KCNQ1: variants seen among roughly 807,000 people sequenced by gnomAD.
KCNQ1 encodes potassium voltage-gated channel subfamily Q member 1, also known as potassium voltage-gated channel subfamily KQT member 1.
A neutral mutation model predicts 72.4 loss-of-function variants in KCNQ1; 49 were observed. The ratio of observed to expected loss-of-function variants is 0.68; its 90% CI spans 0.54 to 0.86. KCNQ1 has a LOEUF of 0.86. KCNQ1 is among the 40% of genes least tolerant of loss of function. The pLI, the probability that KCNQ1 is intolerant of heterozygous loss-of-function variation, is 0.00. For synonymous variants in KCNQ1, 450 were observed against 412.6 expected (o/e 1.09, Z -1.10); for missense variants, 790 against 945.1 (o/e 0.84, Z 2.15).
chr11:2,468,681 C>A lies in KCNQ1; in HGVS notation c.386+23197C>A, dbSNP rs74771060. 6.6e-6 allele frequency among the ~76,000 whole-genome samples: 1 copy of A among 152,164 alleles called. No individual in the cohort carries two copies. The highest frequency in any genetic ancestry group is 1.5e-5 in the Non-Finnish European group (1 of 68,022). On this transcript the variant is annotated intron_variant, in intron 1 of 15. Transcript: ENST00000155840. The surrounding 1 kb of genome is among the most constrained non-coding windows in gnomAD (Gnocchi z 5.7). ...TATTTGGATGGACTCTGGCAGCCAA[C>A]GCTGGTTTCGTCTGGCTTCTTTTAT...
rs1386176483 is a variant in KCNQ1 at position 2,471,960 on chromosome 11, A to G, written c.386+26476A>G. Among the ~76,000 whole-genome samples the G allele has an allele frequency of 1.4e-5, 2 of 143,372 alleles. No individual in the cohort carries two copies. Among genetic ancestry groups the G allele is most frequent in the East Asian group, 2.1e-4 (1 of 4,846 alleles). The allele number at this position is 143,372 out of a possible 152,430, so 94.1% of individuals were successfully genotyped here. A position where few individuals can be genotyped will look rare whatever the true frequency, so the allele number is the denominator to read the frequency against. On this transcript the variant is annotated intron_variant, in intron 1 of 15. Coordinates refer to ENST00000155840, the MANE Select transcript of KCNQ1 (RefSeq NM_000218.3). This position sits in a 1 kb window ranked among gnomAD's most constrained non-coding sequence, Gnocchi z 4.8. ...TGTGCGCGTGTGTAGGTGTGTGTTC[A>G]TATATATGGGTGTGTGTGCACCTAT...
chr11:2,473,679 C>T lies in KCNQ1; in HGVS notation c.386+28195C>T, dbSNP rs1310654794. Among the ~76,000 whole-genome samples the T allele has an allele frequency of 3.3e-5, 5 of 152,232 alleles. No individual in the cohort carries two copies. The highest frequency in any genetic ancestry group is 7.3e-5 in the Non-Finnish European group (5 of 68,028). On this transcript the variant is annotated intron_variant, in intron 1 of 15. Coordinates refer to ENST00000155840, the MANE Select transcript of KCNQ1 (RefSeq NM_000218.3). The surrounding 1 kb of genome is among the most constrained non-coding windows in gnomAD (Gnocchi z 6.0). ...TTGGCCTGGCCTGGCGCGGGGCTGC[C>T]AGCCAAGAGCCTTCCTCCATCCCAT...
At chr11:2,546,126 G>T (rs551419916) in intron 2 of KCNQ1, among the ~76,000 whole-genome samples, 2 of 151,952 alleles carry the variant, frequency 1.3e-5, no homozygotes, top group East Asian at 3.9e-4. Flanking sequence ...CAGGCACTTG[G>T]TGGTATAAAC....
intron 11 of KCNQ1, among the ~76,000 whole-genome samples, chr11:2,749,996 C>T (rs547429562): frequency 7.9e-5 from 12 of 151,058 alleles, no homozygotes; most frequent in African/African-American, 2.4e-4. Flanking sequence ...GGGCTCTACA[C>T]GGCGCCCTGA....
At chr11:2,580,715 AACCCTGCTTCTCAT>A (rs1475850226) in intron 6 of KCNQ1, among the ~76,000 whole-genome samples, 1 of 152,140 alleles carries the variant, frequency 6.6e-6, no homozygotes, top group East Asian at 1.9e-4. Flanking sequence ...GCAGCCCTTC[AACCCTGCTTCTCAT>A]ACCTGACCCC....
rs1236971335 is a variant in KCNQ1 at position 2,679,612 on chromosome 11, T to C, written c.1514+17531T>C. 1 of 398,492 alleles carries C rather than the reference T, an allele frequency of 2.5e-6. No individual in the cohort carries two copies. Among genetic ancestry groups the C allele is most frequent in the East Asian group, 3.6e-5 (1 of 28,096 alleles). 24.7% of individuals were successfully genotyped at this position (398,492 alleles called of 1,614,324 possible). On this transcript the variant is annotated intron_variant, in intron 11 of 15. Coordinates refer to ENST00000155840, the MANE Select transcript of KCNQ1 (RefSeq NM_000218.3). This position sits in a 1 kb window ranked among gnomAD's most constrained non-coding sequence, Gnocchi z 4.8. Reference sequence around the variant, plus strand: ...AAGCTGATGGGGAGGCGAGTTGGAATGAATAGTATCAGCATCAGAAAAAAT... The same window carrying C: ...AAGCTGATGGGGAGGCGAGTTGGAACGAATAGTATCAGCATCAGAAAAAAT...
At position 2,450,840 on chromosome 11, in the gene KCNQ1, T is replaced by C. The variant is rs555580964; in HGVS notation, c.386+5356T>C. Among the ~76,000 whole-genome samples, 133 of 152,220 alleles carry C rather than the reference T, an allele frequency of 8.7e-4. 1 individual carries two copies. Among genetic ancestry groups the C allele is most frequent in the African/African-American group, 3.2e-3 (131 of 41,538 alleles). On this transcript the variant is annotated intron_variant, in intron 1 of 15. Coordinates refer to ENST00000155840, the MANE Select transcript of KCNQ1 (RefSeq NM_000218.3). The surrounding 1 kb of genome is among the most constrained non-coding windows in gnomAD (Gnocchi z 7.9). Reference sequence around the variant, plus strand: ...CGCTTTTACACGAGGCATCTGACCATGTGATAGGGTGTGGCTTCTGCTGCC... The same window carrying C: ...CGCTTTTACACGAGGCATCTGACCACGTGATAGGGTGTGGCTTCTGCTGCC...
chr11:2,791,004 T>C (rs1436055285), intron 15 of KCNQ1, among the ~76,000 whole-genome samples: 1 of 152,242 alleles, frequency 6.6e-6, no homozygotes, highest in Non-Finnish European at 1.5e-5. Context: ...TTGGGGTGTT[T>C]CTCTCTTAGC....
intron 10 of KCNQ1, among the ~76,000 whole-genome samples, chr11:2,606,045 A>C (rs1023159859): frequency 2.0e-5 from 3 of 152,252 alleles, no homozygotes; most frequent in African/African-American, 7.2e-5. Context: ...GTAAAAATAT[A>C]CATAAAATCT....
At chr11:2,542,227 A>G (rs928051998) in intron 2 of KCNQ1, among the ~76,000 whole-genome samples, 1 of 152,236 alleles carries the variant, frequency 6.6e-6, no homozygotes, top group African/African-American at 2.4e-5. Context: ...GTGTGGGGAC[A>G]TTGGGCATGA....
chr11:2,758,792 C>A (rs931954576), intron 11 of KCNQ1, among the ~76,000 whole-genome samples: 1 of 152,150 alleles, frequency 6.6e-6, no homozygotes, highest in South Asian at 2.1e-4. Flanking sequence ...AAAAAGCCTC[C>A]CCCGAAAGGT....
intron 15 of KCNQ1, among the ~76,000 whole-genome samples, chr11:2,788,190 C>G (rs1004947590): frequency 3.3e-5 from 5 of 151,968 alleles, no homozygotes; most frequent in African/African-American, 1.2e-4. Flanking sequence ...TCCCTGCAGA[C>G]CCCTCCTGGG....
chr11:2,571,368 C>A lies in KCNQ1; in HGVS notation c.648C>A (p.Gly216=), dbSNP rs146350010. The A allele has an allele frequency of 4.0e-5, 64 of 1,612,896 alleles. No homozygotes were observed. The highest frequency in any genetic ancestry group is 4.7e-5 in the Non-Finnish European group (56 of 1,179,964). Reference sequence around the variant, plus strand: ...CCTCCATGGTGGTCCTCTGCGTGGGCTCCAAGGGGCAGGTGTTTGCCACGT... The same window carrying A: ...CCTCCATGGTGGTCCTCTGCGTGGGATCCAAGGGGCAGGTGTTTGCCACGT... The part of the protein sequence containing the change: ...VVASMVVLCV[G]SKGQVFATSA... The change falls in exon 4 of 16, where the codon GGC becomes GGA. Residue 216 remains glycine (G), a synonymous_variant. Transcript: ENST00000155840.
In KCNQ1 at chr11:2,484,837, T is replaced by C. The variant is rs534698199; in HGVS notation, c.386+39353T>C. Among the ~76,000 whole-genome samples, 1 of 152,336 alleles carries C rather than the reference T, an allele frequency of 6.6e-6. No homozygotes were observed. Among genetic ancestry groups the C allele is most frequent in the Non-Finnish European group, 1.5e-5 (1 of 68,034 alleles). ...CAGATATATTCATACATGAGTGGGC[T>C]CATACTGTCTCCAACTCCAGTTCTG... On this transcript the variant is annotated intron_variant, in intron 1 of 15. Coordinates refer to ENST00000155840, the MANE Select transcript of KCNQ1 (RefSeq NM_000218.3). This position sits in a 1 kb window ranked among gnomAD's most constrained non-coding sequence, Gnocchi z 5.2.
At position 2,766,721 on chromosome 11, in the gene KCNQ1, C is replaced by T. The variant is rs1395969587; in HGVS notation, c.1515-2123C>T. Reference sequence around the variant, plus strand: ...ATGTGGCATCATGCTCAAAGTCCGACATCTTGTGATCTGCCCCTTCCAGCC... The same window carrying T: ...ATGTGGCATCATGCTCAAAGTCCGATATCTTGTGATCTGCCCCTTCCAGCC... On this transcript the variant is annotated intron_variant, in intron 11 of 15. Coordinates refer to ENST00000155840, the MANE Select transcript of KCNQ1 (RefSeq NM_000218.3). This position sits in a 1 kb window ranked among gnomAD's most constrained non-coding sequence, Gnocchi z 4.4. Among the ~76,000 whole-genome samples, 1 of 152,224 alleles carries T rather than the reference C, an allele frequency of 6.6e-6. No individual in the cohort carries two copies. The highest frequency in any genetic ancestry group is 1.9e-4 in the East Asian group (1 of 5,206).
At chr11:2,535,071 G>C (rs1394412777) in intron 2 of KCNQ1, among the ~76,000 whole-genome samples, 1 of 152,206 alleles carries the variant, frequency 6.6e-6, no homozygotes, top group African/African-American at 2.4e-5. Context: ...GCTCTGCCCA[G>C]CCAGACTTCA....
rs939335142 is a variant in KCNQ1, at chr11:2,668,302, G to A, written c.1514+6221G>A. On this transcript the variant is annotated intron_variant, in intron 11 of 15. Coordinates refer to ENST00000155840, the MANE Select transcript of KCNQ1 (RefSeq NM_000218.3). This position sits in a 1 kb window ranked among gnomAD's most constrained non-coding sequence, Gnocchi z 4.3. Reference sequence around the variant, plus strand: ...ATGCTTTTGGTGAGCATCAGGTTGCGTTTCTGGGGAATATATGCCTATGTG... The same window carrying A: ...ATGCTTTTGGTGAGCATCAGGTTGCATTTCTGGGGAATATATGCCTATGTG... 1.0e-5 allele frequency: 4 copies of A among 398,566 alleles called. No individual in the cohort carries two copies. Among genetic ancestry groups the A allele is most frequent in the East Asian group, 3.6e-5 (1 of 28,074 alleles). 24.7% of individuals were successfully genotyped at this position (398,566 alleles called of 1,614,324 possible).
chr11:2,594,470 G>A (rs992028618), intron 10 of KCNQ1, among the ~76,000 whole-genome samples: 1 of 152,048 alleles, frequency 6.6e-6, no homozygotes, highest in African/African-American at 2.4e-5. Context: ...TTCATCAACC[G>A]TGGAAAGTCA....
chr11:2,588,196 C>T lies in KCNQ1; in HGVS notation c.1251+504C>T, dbSNP rs770853518. Among the ~76,000 whole-genome samples, 4 of 152,038 alleles carry T rather than the reference C, an allele frequency of 2.6e-5. No homozygotes were observed. Among genetic ancestry groups the T allele is most frequent in the African/African-American group, 7.3e-5 (3 of 41,372 alleles). On this transcript the variant is annotated intron_variant, in intron 9 of 15. Coordinates refer to ENST00000155840, the MANE Select transcript of KCNQ1 (RefSeq NM_000218.3). This position sits in a 1 kb window ranked among gnomAD's most constrained non-coding sequence, Gnocchi z 5.6. Reference sequence around the variant, plus strand: ...TGGGGTCATAAGGGGTTGGGGCTGACGCTGGCATGGTTCCCCTTCCTGGCC... The same window carrying T: ...TGGGGTCATAAGGGGTTGGGGCTGATGCTGGCATGGTTCCCCTTCCTGGCC...
Sources: allele counts gnomAD v4.1 joint callset (sites outside exome capture counted in the v4.1 genomes callset), GRCh38; gene constraint gnomAD v4.1.1; non-coding constraint Gnocchi (gnomAD v3.1); transcripts MANE v1.5; gene names NCBI Gene and HGNC (gene_info 2026-07-23, HGNC 2026-07-21).